The following KCND2 variants were observed in gnomAD, a reference collection of about 807,000 sequenced individuals.
KCND2 encodes the protein A-type voltage-gated potassium channel KCND2.
In KCND2, 16 loss-of-function variants were observed where a neutral mutation model predicts 54.4. That is an observed-to-expected ratio of 0.29 (90% CI 0.20 to 0.45). The LOEUF (loss-of-function observed/expected upper bound fraction) is 0.45. KCND2 is among the 20% of genes least tolerant of loss of function. KCND2 has a pLI of 1.00. For missense variants in KCND2, 486 were observed against 824.2 expected (o/e 0.59, Z 5.02); for synonymous variants, 317 against 310.7 (o/e 1.02, Z -0.21).
At chr7:120,630,370 T>A (rs1793218505) in intron 1 of KCND2, among the ~76,000 whole-genome samples, 1 of 152,264 alleles carries the variant, frequency 6.6e-6, no homozygotes, top group South Asian at 2.1e-4. Flanking sequence ...ATTTCTTCAA[T>A]GTGAAAAAAA....
intron 1 of KCND2, among the ~76,000 whole-genome samples, chr7:120,716,751 T>C (rs1175137641): frequency 6.6e-6 from 1 of 152,084 alleles, no homozygotes; most frequent in Non-Finnish European, 1.5e-5. Context: ...TTAAAACCTG[T>C]CTTCAAGAAA....
rs112244214 is a variant in KCND2 at position 120,742,932 on chromosome 7, C to T, written c.1467+330C>T. On this transcript the variant is annotated intron_variant, in intron 4 of 5. Transcript: ENST00000331113. ...ATCATTTTCTGTGATTCTTAAAATG[C>T]GAATTAGACAGAAAAAAATTAATGG... Among the ~76,000 whole-genome samples, 30 of 152,012 alleles carry T rather than the reference C, an allele frequency of 2.0e-4. 2 individuals are homozygous for T. The highest frequency in any genetic ancestry group is 6.8e-4 in the African/African-American group (28 of 41,468).
intron 1 of KCND2, among the ~76,000 whole-genome samples, chr7:120,661,105 C>T (rs1222569407): frequency 6.6e-6 from 1 of 152,104 alleles, no homozygotes; most frequent in African/African-American, 2.4e-5. Context: ...GGGTTGATAT[C>T]TCAAGCTAAA....
At chr7:120,304,379 A>C (rs1799622276) in intron 1 of KCND2, among the ~76,000 whole-genome samples, 1 of 152,204 alleles carries the variant, frequency 6.6e-6, no homozygotes, top group African/African-American at 2.4e-5. Context: ...AACAATGTAA[A>C]GACCAAACTG....
At chr7:120,434,965 G>GA (rs760723859) in intron 1 of KCND2, among the ~76,000 whole-genome samples, 15 of 144,656 alleles carry the variant, frequency 1.0e-4, no homozygotes, top group South Asian at 2.2e-4. Context: ...AAGACTTGAA[G>GA]AAAAAAAAAA....
chr7:120,495,866 A>C (rs573802547), intron 1 of KCND2, among the ~76,000 whole-genome samples: 7 of 152,166 alleles, frequency 4.6e-5, no homozygotes, highest in Non-Finnish European at 7.3e-5. Flanking sequence ...TGGGCTTTGA[A>C]AAAGTAAAAT....
chr7:120,640,961 A>C (rs570927320), intron 1 of KCND2, among the ~76,000 whole-genome samples: 38 of 152,286 alleles, frequency 2.5e-4, no homozygotes, highest in African/African-American at 8.4e-4. Context: ...TCTGTAAGAT[A>C]CTGTCCAGCC....
chr7:120,494,210 T>TC (rs760991293), intron 1 of KCND2, among the ~76,000 whole-genome samples: 2 of 152,058 alleles, frequency 1.3e-5, no homozygotes, highest in Non-Finnish European at 2.9e-5. Context: ...GAAGCAGCAA[T>TC]CAGGTGGCTT....
At chr7:120,369,956 G>T (rs1800743181) in intron 1 of KCND2, among the ~76,000 whole-genome samples, 1 of 151,970 alleles carries the variant, frequency 6.6e-6, no homozygotes, top group African/African-American at 2.4e-5. Flanking sequence ...TGACAAAAAT[G>T]AAAAAGCAAA....
chr7:120,391,505 A>G (rs1801076779), intron 1 of KCND2, among the ~76,000 whole-genome samples: 1 of 152,082 alleles, frequency 6.6e-6, no homozygotes, highest in Non-Finnish European at 1.5e-5. Flanking sequence ...GTCTTCCACA[A>G]TGGTTGAACT....
intron 1 of KCND2, among the ~76,000 whole-genome samples, chr7:120,317,391 G>C (rs1207263733): frequency 6.6e-6 from 1 of 151,902 alleles, no homozygotes; most frequent in Non-Finnish European, 1.5e-5. Flanking sequence ...GTATATATAT[G>C]TATCATACCT....
At chr7:120,486,684 A>G (rs1345811728) in intron 1 of KCND2, among the ~76,000 whole-genome samples, 1 of 151,044 alleles carries the variant, frequency 6.6e-6, no homozygotes, top group African/African-American at 2.4e-5. Flanking sequence ...TGACTTGTTT[A>G]TTGTCTTTTT....
chr7:120,491,668 A>T (rs980062605), intron 1 of KCND2, among the ~76,000 whole-genome samples: 1 of 152,116 alleles, frequency 6.6e-6, no homozygotes, highest in Non-Finnish European at 1.5e-5. Flanking sequence ...GGTGTTAGTG[A>T]TATAAAAGCT....
intron 1 of KCND2, among the ~76,000 whole-genome samples, chr7:120,645,775 G>T (rs1793434831): frequency 6.6e-6 from 1 of 152,346 alleles, no homozygotes. Context: ...CTGAGAAGTG[G>T]CATGCTAATA....
intron 1 of KCND2, among the ~76,000 whole-genome samples, chr7:120,303,275 A>G (rs1799610888): frequency 1.3e-5 from 2 of 152,338 alleles, no homozygotes; most frequent in South Asian, 4.1e-4. Flanking sequence ...CTAGAGATAC[A>G]CAACCAAAGT....
At chr7:120,365,865 T>C (rs1800670186) in intron 1 of KCND2, among the ~76,000 whole-genome samples, 1 of 152,024 alleles carries the variant, frequency 6.6e-6, no homozygotes, top group Admixed American at 6.6e-5. Flanking sequence ...TAAAACAACA[T>C]AAATATAACT....
At chr7:120,634,726 C>G (rs907329007) in intron 1 of KCND2, among the ~76,000 whole-genome samples, 3 of 152,178 alleles carry the variant, frequency 2.0e-5, no homozygotes, top group African/African-American at 7.2e-5. Context: ...CAAAAGTAAC[C>G]ATGTTATTCT....
At chr7:120,406,400 T>C (rs1175838359) in intron 1 of KCND2, among the ~76,000 whole-genome samples, 1 of 152,074 alleles carries the variant, frequency 6.6e-6, no homozygotes, top group African/African-American at 2.4e-5. Flanking sequence ...AAATCTCTTC[T>C]GCTGGTTTAG....
intron 1 of KCND2, among the ~76,000 whole-genome samples, chr7:120,545,314 A>G (rs1224322163): frequency 6.6e-6 from 1 of 151,888 alleles, no homozygotes; most frequent in Admixed American, 6.6e-5. Flanking sequence ...TTCTCAGTCT[A>G]ATATCATTGA....
Sources: allele counts gnomAD v4.1 joint callset (sites outside exome capture counted in the v4.1 genomes callset), GRCh38; gene constraint gnomAD v4.1.1; transcripts MANE v1.5; gene names NCBI Gene and HGNC (gene_info 2026-07-23, HGNC 2026-07-21).